The following ROBO2 variants were observed in gnomAD, a reference collection of about 807,000 sequenced individuals.
ROBO2 encodes the protein roundabout homolog 2.
A neutral mutation model predicts 160.8 loss-of-function variants in ROBO2; 53 were observed. That is an observed-to-expected ratio of 0.33 (90% CI 0.26 to 0.41). ROBO2 has a LOEUF of 0.41. ROBO2 is among the 10% of genes least tolerant of loss of function. ROBO2 has a pLI of 1.00. For synonymous variants in ROBO2, 664 were observed against 611.7 expected (o/e 1.09, Z -1.26); for missense variants, 1,577 against 1,722.4 (o/e 0.92, Z 1.49).
chr3:77,641,249 A>G (rs73845744), intron 24 of ROBO2, among the ~76,000 whole-genome samples: 2,717 of 152,286 alleles, frequency 0.018, 89 homozygotes, highest in African/African-American at 0.062. Flanking sequence ...CCCTTCAGTT[A>G]TTAGCAATTC....
At chr3:76,676,195 G>C (rs887690536) in intron 2 of ROBO2, among the ~76,000 whole-genome samples, 2 of 152,074 alleles carry the variant, frequency 1.3e-5, no homozygotes, top group Non-Finnish European at 2.9e-5. Flanking sequence ...TGTTGGGGGA[G>C]GGGCCTCTTG....
At chr3:76,090,628 G>C (rs2069191666) in intron 2 of ROBO2, among the ~76,000 whole-genome samples, 1 of 152,104 alleles carries the variant, frequency 6.6e-6, no homozygotes, top group Non-Finnish European at 1.5e-5. Flanking sequence ...AAAAGAATCA[G>C]AATCGCCAAT....
intron 2 of ROBO2, among the ~76,000 whole-genome samples, chr3:76,498,008 T>C (rs1051693916): frequency 6.6e-6 from 1 of 152,340 alleles, no homozygotes; most frequent in East Asian, 1.9e-4. Flanking sequence ...CCTTACACTA[T>C]ATTTTAAACC....
At position 77,199,332 on chromosome 3, in the gene ROBO2, T is replaced by C. The variant is rs556270267; in HGVS notation, c.388+100992T>C. ...CCCTTGGAAACCAAGGAGAACCTGGTTGAACACCAGTTGGGGAAATAGGGA... is the reference window on the plus strand; with the variant it reads ...CCCTTGGAAACCAAGGAGAACCTGGCTGAACACCAGTTGGGGAAATAGGGA... On this transcript the variant is annotated intron_variant, in intron 2 of 25. Coordinates refer to ENST00000461745, the Ensembl canonical transcript of ROBO2. Among the ~76,000 whole-genome samples the C allele has an allele frequency of 6.5e-4, 99 of 152,306 alleles. 1 individual carries two copies. The highest frequency in any genetic ancestry group is 1.3e-3 in the Non-Finnish European group (90 of 68,020).
chr3:76,995,934 G>A (rs1460818725), intron 2 of ROBO2, among the ~76,000 whole-genome samples: 6 of 152,206 alleles, frequency 3.9e-5, no homozygotes, highest in South Asian at 2.1e-4. Flanking sequence ...TTCTTTTGCT[G>A]TGCAGAAGCT....
chr3:77,311,119 A>G (rs2063510028), intron 2 of ROBO2, among the ~76,000 whole-genome samples: 1 of 152,220 alleles, frequency 6.6e-6, no homozygotes, highest in African/African-American at 2.4e-5. Flanking sequence ...AATTTTGGTA[A>G]TAAGAGATTT....
At chr3:76,450,633 A>G (rs964139061) in intron 2 of ROBO2, among the ~76,000 whole-genome samples, 1 of 152,038 alleles carries the variant, frequency 6.6e-6, no homozygotes, top group Non-Finnish European at 1.5e-5. Context: ...ATTCTAAACA[A>G]TTGGCTTTGT....
chr3:76,180,364 C>T (rs1258821913), intron 2 of ROBO2, among the ~76,000 whole-genome samples: 5 of 152,110 alleles, frequency 3.3e-5, no homozygotes, highest in Non-Finnish European at 5.9e-5. Flanking sequence ...GAAGCAGGCA[C>T]GTATCCAACT....
intron 2 of ROBO2, among the ~76,000 whole-genome samples, chr3:76,732,654 G>GAAGA (rs995431142): frequency 1.3e-5 from 2 of 152,094 alleles, no homozygotes; most frequent in African/African-American, 2.4e-5. Flanking sequence ...ATGGTTGACA[G>GAAGA]AAGAAAGAAA....
intron 2 of ROBO2, among the ~76,000 whole-genome samples, chr3:77,028,033 C>A (rs1201230437): frequency 2.6e-5 from 4 of 152,048 alleles, no homozygotes; most frequent in African/African-American, 9.7e-5. Context: ...TCTACTTCCT[C>A]ACTCTCCTGC....
At chr3:77,518,497 C>T (rs2090256310) in intron 5 of ROBO2, among the ~76,000 whole-genome samples, 1 of 151,378 alleles carries the variant, frequency 6.6e-6, no homozygotes, top group Non-Finnish European at 1.5e-5. Flanking sequence ...TGTGATGGGA[C>T]ATAACAAGAC....
chr3:76,366,556 T>C (rs1328072720), intron 2 of ROBO2, among the ~76,000 whole-genome samples: 1 of 152,026 alleles, frequency 6.6e-6, no homozygotes, highest in African/African-American at 2.4e-5. Context: ...TATAAATTAG[T>C]AGAGACTAGC....
At chr3:76,479,167 A>T (rs1212227979) in intron 2 of ROBO2, among the ~76,000 whole-genome samples, 1 of 152,192 alleles carries the variant, frequency 6.6e-6, no homozygotes. Context: ...TTCCCTTAGA[A>T]ATACCACATG....
chr3:76,704,025 G>A (rs2093104145), intron 2 of ROBO2, among the ~76,000 whole-genome samples: 1 of 151,652 alleles, frequency 6.6e-6, no homozygotes, highest in African/African-American at 2.4e-5. Flanking sequence ...GATATGGAAT[G>A]GGCATCTTTT....
chr3:76,365,197 A>G (rs1253680204), intron 2 of ROBO2, among the ~76,000 whole-genome samples: 1 of 151,990 alleles, frequency 6.6e-6, no homozygotes, highest in Non-Finnish European at 1.5e-5. Flanking sequence ...TCCAAAGTAA[A>G]TGTGTCTTGT....
At position 77,378,272 on chromosome 3, in the gene ROBO2, C is replaced by T. The variant is rs79937053; in HGVS notation, c.389-99142C>T. Among the ~76,000 whole-genome samples, 346 of 152,236 alleles carry T rather than the reference C, an allele frequency of 2.3e-3. 1 individual carries two copies. The highest frequency in any genetic ancestry group is 8.0e-3 in the African/African-American group (332 of 41,538). On this transcript the variant is annotated intron_variant, in intron 2 of 25. Coordinates refer to ENST00000461745, the Ensembl canonical transcript of ROBO2. ...CAGCTAATATTTTGTTGAGAACTTGCACTTTGCCAGGTACTATTTTAAGAG... is the reference window on the plus strand; with the variant it reads ...CAGCTAATATTTTGTTGAGAACTTGTACTTTGCCAGGTACTATTTTAAGAG...
chr3:76,796,399 A>T (rs1269181578), intron 2 of ROBO2, among the ~76,000 whole-genome samples: 1 of 151,646 alleles, frequency 6.6e-6, no homozygotes, highest in Non-Finnish European at 1.5e-5. Flanking sequence ...CCACCAGAGA[A>T]AATCACTTTC....
intron 2 of ROBO2, among the ~76,000 whole-genome samples, chr3:77,182,290 A>G (rs982581935): frequency 6.6e-6 from 1 of 152,102 alleles, no homozygotes; most frequent in Non-Finnish European, 1.5e-5. Context: ...TCATTCAACA[A>G]CTAATGTTTG....
chr3:76,252,637 A>G (rs1706082338), intron 2 of ROBO2, among the ~76,000 whole-genome samples: 1 of 151,930 alleles, frequency 6.6e-6, no homozygotes, highest in South Asian at 2.1e-4. Context: ...TATCAAATAA[A>G]AAAAGGTATG....
Sources: gnomAD v4.1 joint callset for allele counts (sites outside exome capture counted in the v4.1 genomes callset) on GRCh38, gnomAD v4.1.1 for gene constraint, MANE v1.5 for transcripts, NCBI Gene and HGNC (gene_info 2026-07-23, HGNC 2026-07-21) for gene names.